Variants in CRYBG2 observed in about 807,000 individuals in gnomAD.
CRYBG2 encodes the protein crystallin beta-gamma domain containing 2.
A neutral mutation model predicts 153.4 loss-of-function variants in CRYBG2; 106 were observed. The ratio of observed to expected loss-of-function variants is 0.69; its 90% CI spans 0.59 to 0.81. CRYBG2 has a LOEUF of 0.81. Among genes scored for constraint, CRYBG2 ranks in the 30% least tolerant of loss-of-function variants. The pLI, the probability that CRYBG2 is intolerant of heterozygous loss-of-function variation, is 0.00. For missense variants in CRYBG2, 1,996 were observed against 2,112.0 expected (o/e 0.95, Z 1.08); for synonymous variants, 851 against 877.8 (o/e 0.97, Z 0.54).
chr1:26,330,521 T>C (rs1489617658), intron 15 of CRYBG2, among the ~76,000 whole-genome samples: 1 of 149,342 alleles, frequency 6.7e-6, no homozygotes, highest in Non-Finnish European at 1.5e-5. Flanking sequence ...TAAAAGGCTT[T>C]AGTATATGTG....
At chr1:26,335,779 G>A (rs998629141) in intron 14 of CRYBG2, among the ~76,000 whole-genome samples, 1 of 152,098 alleles carries the variant, frequency 6.6e-6, no homozygotes, top group African/African-American at 2.4e-5. Context: ...TTGTAGCTAC[G>A]TGGGGAAAAT....
intron 17 of CRYBG2, chr1:26,326,654 C>A: frequency 5.2e-6 from 1 of 193,846 alleles, no homozygotes; most frequent in East Asian, 1.2e-4. Flanking sequence ...TTTCTTTTTC[C>A]TCTTCTGGGG....
At position 26,328,847 on chromosome 1, in the gene CRYBG2, C is replaced by A; in HGVS notation, c.4341G>T (p.Leu1447=). 1.9e-6 allele frequency: 3 copies of A among 1,614,102 alleles called. No homozygotes were observed. Among genetic ancestry groups the A allele is most frequent in the Non-Finnish European group, 2.5e-6 (3 of 1,180,028 alleles). ...SLHFSEPSIF[L]YGLECFEGKE... Reference sequence around the variant, plus strand: ...TCCCCTCGAAGCACTCGAGTCCATACAGGAAAATGGAAGGCTCTGAAAAGT... The same window carrying A: ...TCCCCTCGAAGCACTCGAGTCCATAAAGGAAAATGGAAGGCTCTGAAAAGT... Residue 1447 remains leucine, a synonymous_variant, in exon 16 of 20, where the codon CTG becomes CTT. Transcript: ENST00000308182.
At position 26,343,675 on chromosome 1, in the gene CRYBG2, C is replaced by T; in HGVS notation, c.2913+70G>A. ...AGACTCTGACTCCCAGCACCACTCT[C>T]TTCACACCACTCAAGCCTTGACCCA... On this transcript the variant is annotated intron_variant, in intron 2 of 19. Transcript: ENST00000308182. This position sits in a 1 kb window ranked among gnomAD's most constrained non-coding sequence, Gnocchi z 4.1. 1 of 1,427,690 alleles carries T rather than the reference C, an allele frequency of 7.0e-7. No homozygotes were observed. The highest frequency in any genetic ancestry group is 9.2e-7 in the Non-Finnish European group (1 of 1,087,920). 88.4% of individuals were successfully genotyped at this position (1,427,690 alleles called of 1,614,324 possible).
At chr1:26,323,405 T>C (rs953968645) in intron 18 of CRYBG2, among the ~76,000 whole-genome samples, 1 of 152,074 alleles carries the variant, frequency 6.6e-6, no homozygotes, top group African/African-American at 2.4e-5. Flanking sequence ...TCATGATTTA[T>C]CTTCCTCTAT....
At position 26,342,843 on chromosome 1, in the gene CRYBG2, G is replaced by C. The variant is rs1476900723; in HGVS notation, c.3115C>G (p.Leu1039Val). 1 of 1,614,144 alleles carries C rather than the reference G, an allele frequency of 6.2e-7. No homozygotes were observed. The highest frequency in any genetic ancestry group is 1.1e-5 in the South Asian group (1 of 91,090). The part of the protein sequence containing the change: ...YEEPEFRGQK[L>V]VLPEGDMELR... Reference sequence around the variant, plus strand: ...TCCATGTCTCCTTCAGGCAGGACCAGCTTCTGACCCCGGAACTCTGGCTCT... The same window carrying C: ...TCCATGTCTCCTTCAGGCAGGACCACCTTCTGACCCCGGAACTCTGGCTCT... Residue 1039 changes from leucine (L) to valine (V), a missense_variant, in exon 5 of 20, where the codon CTG (leucine) becomes GTG (valine). Transcript: ENST00000308182.
Position 26,345,302 on chromosome 1 carries a change from A to G in CRYBG2, c.1356T>C (p.Asn452=). ...PRNKFVQNSE[N]VPVLPFTQRE... The stretch of plus-strand genomic sequence containing the variant: ...TCTGGGTAAAGGGGAGGACAGGGAC[A>G]TTTTCAGAGTTCTGAACAAACTTAT... The change falls in exon 2 of 20, where the codon AAT becomes AAC. Residue 452 remains asparagine, a synonymous_variant. Transcript: ENST00000308182. 1 of 1,613,672 alleles carries G rather than the reference A, an allele frequency of 6.2e-7. No individual in the cohort carries two copies. Among genetic ancestry groups the G allele is most frequent in the East Asian group, 2.2e-5 (1 of 44,884 alleles).
At chr1:26,324,006 G>A (rs1376570826) in intron 18 of CRYBG2, 146 bp downstream of exon 18, 12 of 781,624 alleles carry the variant, frequency 1.5e-5, no homozygotes, top group Non-Finnish European at 2.0e-5. Context: ...GACTTGCCCA[G>A]GGGGAACAGT....
chr1:26,324,508 A>T (rs202079211), intron 17 of CRYBG2, among the ~76,000 whole-genome samples, 198 bp from the exon 18 acceptor site: 17,057 of 87,804 alleles, frequency 0.19, 1,063 homozygotes, highest in Admixed American at 0.24. Context: ...TCTCTCTCAC[A>T]CACACACACA....
Position 26,331,560 on chromosome 1 carries a change from C to A in CRYBG2, c.4243G>T (p.Glu1415Ter). 1 of 1,614,124 alleles carries A rather than the reference C, an allele frequency of 6.2e-7. No individual in the cohort carries two copies. The highest frequency in any genetic ancestry group is 1.1e-5 in the South Asian group (1 of 91,084). Residue 1415 changes from glutamate to a stop codon, truncating the protein, a stop_gained, in exon 15 of 20, where the codon GAG (glutamate) becomes TAG (stop). Coordinates refer to ENST00000308182, the MANE Select transcript of CRYBG2 (RefSeq NM_001039775.4). LOFTEE classifies it high-confidence loss of function. ...EGDQHILSEG[E>*]FPTLTAMGCL... Reference sequence around the variant, plus strand: ...CCCATGGCCGTGAGAGTGGGGAACTCGCCCTCAGAGAGAATGTGCTGGTCA... The same window carrying A: ...CCCATGGCCGTGAGAGTGGGGAACTAGCCCTCAGAGAGAATGTGCTGGTCA...
Position 26,337,664 on chromosome 1 carries a change from T to C in CRYBG2, c.3518A>G (p.Tyr1173Cys). Residue 1173 changes from tyrosine (Y) to cysteine (C), a missense_variant, in exon 9 of 20, where the codon TAT (tyrosine) becomes TGT (cysteine). Transcript: ENST00000308182. The stretch of plus-strand genomic sequence containing the variant: ...GCGGCCCTGAAAGCCTGGGGCCTCA[T>C]ACACCACAGCCTGGGGGAAAGGGGC... ...EKPGEPRAVV[Y>C]EAPGFQGRSW... is the part of the protein sequence containing the mutation. 6.2e-7 allele frequency: 1 copy of C among 1,611,618 alleles called. No individual in the cohort carries two copies.
intron 8 of CRYBG2, 152 bp from the exon 9 acceptor site, chr1:26,337,826 T>G: frequency 7.7e-7 from 1 of 1,296,466 alleles, no homozygotes. Context: ...CTATCTCTAC[T>G]CTGACCTCTG....
rs1301144293 is a variant in CRYBG2, at chr1:26,343,251, C to T, written c.2956G>A (p.Gly986Arg). 2 of 1,550,548 alleles carry T rather than the reference C, an allele frequency of 1.3e-6. No individual in the cohort carries two copies. Among genetic ancestry groups the T allele is most frequent in the Non-Finnish European group, 1.7e-6 (2 of 1,146,988 alleles). The change falls in exon 3 of 20, where the codon GGA becomes AGA. Residue 986 changes from glycine (G) to arginine (R), a missense_variant. Transcript: ENST00000308182. This position sits in a 1 kb window ranked among gnomAD's most constrained non-coding sequence, Gnocchi z 4.1. ...ACTTGCCCCCACAACCCTACCTTTC[C>T]AGGCCTGGTGTTCAGCTTGCCCTGG... Reference protein sequence around the residue: ...KTQGKLNTRPGKVIFFSESGC... With the variant: ...KTQGKLNTRPRKVIFFSESGC...
At position 26,344,104 on chromosome 1, in the gene CRYBG2, C is replaced by T; in HGVS notation, c.2554G>A (p.Ala852Thr). Residue 852 changes from alanine to threonine, a missense_variant, in exon 2 of 20, where the codon GCT becomes ACT. Ala to Thr is a moderately conservative substitution (Grantham distance 58, BLOSUM62 0). Transcript: ENST00000308182. ...DEKLQRRQEK[A>T]GPSPSRDLHP... ...AGGTCCCTGGAGGGGCTGGGCCCAG[C>T]TTTCTCCTGCCTGCGCTGGAGCTTC... 1 of 1,536,164 alleles carries T rather than the reference C, an allele frequency of 6.5e-7. No homozygotes were observed. The highest frequency in any genetic ancestry group is 1.4e-5 in the African/African-American group (1 of 73,168).
At chr1:26,340,516 C>T (rs944189426) in intron 5 of CRYBG2, among the ~76,000 whole-genome samples, 1 of 152,326 alleles carries the variant, frequency 6.6e-6, no homozygotes, top group Non-Finnish European at 1.5e-5. Context: ...AAGCCTTTAC[C>T]TCCCACATGA....
Position 26,346,608 on chromosome 1 carries a change from C to T in CRYBG2, c.50G>A (p.Ser17Asn). ...PMARAKARVVSATLTWRQRPP... is the reference protein window; with the variant it reads ...PMARAKARVVNATLTWRQRPP... Reference sequence around the variant, plus strand: ...CCGCTGCCGCCATGTCAATGTGGCACTTACCACTCGGGCCTTGGCCCGGGC... The same window carrying T: ...CCGCTGCCGCCATGTCAATGTGGCATTTACCACTCGGGCCTTGGCCCGGGC... Residue 17 changes from serine (S) to asparagine (N), a missense_variant, in exon 2 of 20, where the codon AGT becomes AAT. Ser to Asn is a conservative substitution (Grantham distance 46). Coordinates refer to ENST00000308182, the MANE Select transcript of CRYBG2 (RefSeq NM_001039775.4). The surrounding 1 kb of genome is among the most constrained non-coding windows in gnomAD (Gnocchi z 4.9). 1 of 1,581,578 alleles carries T rather than the reference C, an allele frequency of 6.3e-7. No homozygotes were observed. The highest frequency in any genetic ancestry group is 8.6e-7 in the Non-Finnish European group (1 of 1,163,612).
Position 26,336,335 on chromosome 1 carries a change from TA to T in CRYBG2, c.4071+2del, listed in dbSNP as rs1020932546. 1 of 1,613,450 alleles carries T rather than the reference TA, an allele frequency of 6.2e-7. No homozygotes were observed. The highest frequency in any genetic ancestry group is 8.5e-7 in the Non-Finnish European group (1 of 1,179,762). ...GCGGCTCCCTGCGGAGTCCCTGCCT[TA>T]CCTTTGAGACGAAGTGCAGATCGTG... On this transcript the variant is annotated splice_donor_variant, in intron 13 of 19. Coordinates refer to ENST00000308182, the MANE Select transcript of CRYBG2 (RefSeq NM_001039775.4). LOFTEE classifies it high-confidence loss of function. The surrounding 1 kb of genome is among the most constrained non-coding windows in gnomAD (Gnocchi z 4.9).
intron 14 of CRYBG2, among the ~76,000 whole-genome samples, 161 bp from the exon 15 acceptor site, chr1:26,331,779 C>T (rs986150741): frequency 1.3e-5 from 2 of 152,094 alleles, no homozygotes; most frequent in Non-Finnish European, 2.9e-5. Flanking sequence ...TGAGGTCAGA[C>T]CTAAGAAAAG....
rs1162640459 is a variant in CRYBG2 at position 26,345,811 on chromosome 1, C to T, written c.847G>A (p.Ala283Thr). The change falls in exon 2 of 20, where the codon GCA becomes ACA. Residue 283 changes from alanine (A) to threonine (T), a missense_variant. Ala to Thr is a moderately conservative substitution (Grantham distance 58). Transcript: ENST00000308182. ...ALRQLPETGT[A>T]ELKDSSALAS... ...AGGGCAGAGCTGTCTTTAAGCTCTG[C>T]TGTCCCGGTCTCAGGCAGCTGCCTC... is the stretch of plus-strand genomic sequence containing the variant. 5.0e-6 allele frequency: 8 copies of T among 1,596,456 alleles called. No homozygotes were observed. The highest frequency in any genetic ancestry group is 6.8e-6 in the Non-Finnish European group (8 of 1,179,036).
Sources: gnomAD v4.1 joint callset for allele counts (sites outside exome capture counted in the v4.1 genomes callset) on GRCh38, gnomAD v4.1.1 for gene constraint, Gnocchi (gnomAD v3.1) non-coding constraint, MANE v1.5 for transcripts, NCBI Gene and HGNC (gene_info 2026-07-23, HGNC 2026-07-21) for gene names.